Variants in FAT3 observed in about 807,000 individuals in gnomAD.
The protein encoded by FAT3 is FAT atypical cadherin 3, also known as protocadherin Fat 3.
In FAT3, 95 loss-of-function variants were observed where a neutral mutation model predicts 310.2. That is an observed-to-expected ratio of 0.31 (90% CI 0.26 to 0.36). FAT3 has a LOEUF of 0.36. Ranked by LOEUF, FAT3 falls within the 10% of genes least tolerant of loss-of-function variation. The pLI, the probability that FAT3 is intolerant of heterozygous loss-of-function variation, is 1.00. For missense variants in FAT3, 5,408 were observed against 5,715.6 expected, an observed-to-expected ratio of 0.95 and a Z score of 1.74; for synonymous variants, 2,314 against 2,192.9, an observed-to-expected ratio of 1.06 and a Z score of -1.54.
intron 1 of FAT3, among the ~76,000 whole-genome samples, chr11:92,303,401 G>A (rs1464935565): frequency 6.6e-6 from 1 of 152,024 alleles, no homozygotes; most frequent in Non-Finnish European, 1.5e-5. Flanking sequence ...AGCAGCTCTT[G>A]AGGCTGTGAA....
At chr11:92,866,564 G>C (rs1949251382) in intron 21 of FAT3, among the ~76,000 whole-genome samples, 177 bp from the exon 22 acceptor site, 1 of 152,170 alleles carries the variant, frequency 6.6e-6, no homozygotes, top group African/African-American at 2.4e-5. Context: ...TTTCATGGCA[G>C]GTAAGGGGGA....
At chr11:92,442,071 AATATATATTTTATATAT>A (rs1281247570) in intron 2 of FAT3, among the ~76,000 whole-genome samples, 1 of 131,764 alleles carries the variant, frequency 7.6e-6, no homozygotes, top group African/African-American at 3.3e-5. Flanking sequence ...AAACTTAAGA[AATATATATTTTATATAT>A]ATATATATAT....
chr11:92,253,554 G>C (rs1440291761), intron 1 of FAT3, among the ~76,000 whole-genome samples: 1 of 152,054 alleles, frequency 6.6e-6, no homozygotes, highest in East Asian at 1.9e-4. Context: ...CTGTTCCTCT[G>C]TGGAATGGGC....
intron 3 of FAT3, among the ~76,000 whole-genome samples, chr11:92,570,327 G>C (rs1444467979): frequency 6.6e-6 from 1 of 152,192 alleles, no homozygotes; most frequent in Non-Finnish European, 1.5e-5. Flanking sequence ...ACATAAAGCA[G>C]ATTGAGCATA....
chr11:92,690,479 G>A (rs11822847), intron 3 of FAT3, among the ~76,000 whole-genome samples: 5,033 of 152,200 alleles, frequency 0.033, 294 homozygotes, highest in African/African-American at 0.12. Flanking sequence ...CAAACCTGAT[G>A]AAACAACCCT....
At chr11:92,317,808 A>G (rs1390348460) in intron 1 of FAT3, among the ~76,000 whole-genome samples, 1 of 152,168 alleles carries the variant, frequency 6.6e-6, no homozygotes, top group African/African-American at 2.4e-5. Context: ...GCTGGTCTTG[A>G]GCAGTTTTCC....
chr11:92,331,003 T>TGTGAGAGA (rs1280550527), intron 1 of FAT3, among the ~76,000 whole-genome samples: 3 of 133,494 alleles, frequency 2.2e-5, no homozygotes, highest in East Asian at 2.1e-4. Context: ...TGTGTGTGTG[T>TGTGAGAGA]GAGAGAGAGA....
rs186174075 is a variant in FAT3 at position 92,858,457 on chromosome 11, T to G, written c.11501-708T>G. Among the ~76,000 whole-genome samples, 587 of 152,328 alleles carry G rather than the reference T, an allele frequency of 3.9e-3. 3 individuals are homozygous for G. The highest frequency in any genetic ancestry group is 0.013 in the African/African-American group (556 of 41,572). On this transcript the variant is annotated intron_variant, in intron 20 of 27. Transcript: ENST00000525166. ...CTGATTGTCTATAATTATTGTCCAT[T>G]TGGTATATTTCCACATATTCCACCT... is the stretch of plus-strand genomic sequence containing the variant.
chr11:92,340,526 T>C (rs1369655655), intron 1 of FAT3, among the ~76,000 whole-genome samples: 3 of 152,226 alleles, frequency 2.0e-5, no homozygotes, highest in African/African-American at 7.2e-5. Context: ...TTTCTCACTC[T>C]GGCTTTCAGT....
chr11:92,574,263 C>A (rs1434895008), intron 3 of FAT3, among the ~76,000 whole-genome samples: 1 of 152,070 alleles, frequency 6.6e-6, no homozygotes, highest in African/African-American at 2.4e-5. Flanking sequence ...ATAAAAATCC[C>A]ACCTTAAACT....
At chr11:92,746,990 T>G (rs1945690970) in intron 4 of FAT3, among the ~76,000 whole-genome samples, 1 of 152,338 alleles carries the variant, frequency 6.6e-6, no homozygotes, top group Admixed American at 6.5e-5. Context: ...TGTCTGCAGC[T>G]TTTCCAGGTG....
chr11:92,835,535 T>C (rs1397692372), intron 15 of FAT3, among the ~76,000 whole-genome samples: 1 of 152,172 alleles, frequency 6.6e-6, no homozygotes, highest in Non-Finnish European at 1.5e-5. Flanking sequence ...AAGTTTCAAA[T>C]GTTCTTACCA....
intron 23 of FAT3, 59 bp from the exon 24 acceptor site, chr11:92,882,679 G>C (rs866877484): frequency 1.4e-6 from 2 of 1,446,168 alleles, no homozygotes; most frequent in Middle Eastern, 3.8e-4. Context: ...TCGAGTTCCC[G>C]TATACCAACG....
Position 92,524,933 on chromosome 11 carries a change from A to G in FAT3, c.3592A>G (p.Ile1198Val), listed in dbSNP as rs1953808117. 2.5e-6 allele frequency: 4 copies of G among 1,613,504 alleles called. No homozygotes were observed. The highest frequency in any genetic ancestry group is 4.5e-5 in the East Asian group (2 of 44,872). The change falls in exon 3 of 28, where the codon ATC (isoleucine) becomes GTC (valine). Residue 1198 changes from isoleucine to valine, a missense_variant. Physicochemically the swap from Ile to Val is conservative, Grantham distance 29 (BLOSUM62 3). Transcript: ENST00000525166. ...TGGAAATCCTCAGAATTTTTTTGCC[A>G]TCAATATCAAAACAGGTAAGGGAAT... ...TSGNPQNFFA[I>V]NIKTGLITTT...
Position 92,353,002 on chromosome 11 carries a change from A to T in FAT3, c.890A>T (p.Glu297Val). The T allele has an allele frequency of 6.2e-7, 1 of 1,613,854 alleles. No individual in the cohort carries two copies. The highest frequency in any genetic ancestry group is 8.5e-7 in the Non-Finnish European group (1 of 1,179,880). The stretch of plus-strand genomic sequence containing the variant: ...GACTTAGATGATGGAGCGAATGGAG[A>T]GATCGAATCTGTTTCCATTGTGGCT... ...VDDLDDGANG[E>V]IESVSIVAGD... Residue 297 changes from glutamate (E) to valine (V), a missense_variant, in exon 2 of 28, where the codon GAG becomes GTG. Physicochemically the swap from Glu to Val is moderately radical, Grantham distance 121 (BLOSUM62 -2). Transcript: ENST00000525166.
intron 2 of FAT3, among the ~76,000 whole-genome samples, chr11:92,511,790 A>T (rs944766360): frequency 6.6e-6 from 1 of 152,234 alleles, no homozygotes; most frequent in African/African-American, 2.4e-5. Flanking sequence ...TTAAAGGAAG[A>T]GTTGGCCCTC....
At chr11:92,668,347 A>T (rs143829549) in intron 3 of FAT3, among the ~76,000 whole-genome samples, 49 of 152,318 alleles carry the variant, frequency 3.2e-4, no homozygotes, top group African/African-American at 1.2e-3. Flanking sequence ...AGAAGACACA[A>T]AGAAGAATAA....
At chr11:92,877,032 C>T (rs1030879648) in intron 22 of FAT3, among the ~76,000 whole-genome samples, 2 of 152,070 alleles carry the variant, frequency 1.3e-5, no homozygotes, top group Non-Finnish European at 2.9e-5. Context: ...AACCCCACTG[C>T]TATGGAATTA....
At chr11:92,815,448 C>T (rs2136223691) in intron 13 of FAT3, among the ~76,000 whole-genome samples, 1 of 152,132 alleles carries the variant, frequency 6.6e-6, no homozygotes, top group Admixed American at 6.5e-5. Flanking sequence ...CAGTGGGCAC[C>T]TGTAGTCCCA....
Sources: gnomAD v4.1 joint callset for allele counts (sites outside exome capture counted in the v4.1 genomes callset) on GRCh38, gnomAD v4.1.1 for gene constraint, MANE v1.5 for transcripts, NCBI Gene and HGNC (gene_info 2026-07-23, HGNC 2026-07-21) for gene names.